The following PTPRN2 variants were observed in gnomAD, a reference collection of about 807,000 sequenced individuals.
PTPRN2 encodes receptor-type tyrosine-protein phosphatase N2.
Under a neutral mutation model 118.8 loss-of-function variants are expected in PTPRN2, and 74 were observed. The observed-to-expected ratio is 0.62, with a 90% CI of 0.52 to 0.76. The LOEUF (loss-of-function observed/expected upper bound fraction) is 0.76. Among genes scored for constraint, PTPRN2 ranks in the 30% least tolerant of loss-of-function variants. PTPRN2 has a pLI of 0.00. For missense variants in PTPRN2, 1,481 were observed against 1,394.4 expected (o/e 1.06, Z -0.99); for synonymous variants, 641 against 608.0 (o/e 1.05, Z -0.80).
intron 12 of PTPRN2, among the ~76,000 whole-genome samples, chr7:157,889,643 T>A (rs1796680727): frequency 6.6e-6 from 1 of 152,154 alleles, no homozygotes. Context: ...CATGCCCGTG[T>A]CTCCCCTTCA....
rs1352247137 is a variant in PTPRN2, at chr7:158,529,106, T to C, written c.113-39321A>G. Among the ~76,000 whole-genome samples the C allele has an allele frequency of 1.3e-5, 2 of 152,062 alleles. No homozygotes were observed. Among genetic ancestry groups the C allele is most frequent in the African/African-American group, 2.4e-5 (1 of 41,386 alleles). On this transcript the variant is annotated intron_variant, in intron 1 of 22. Transcript: ENST00000389418. This position sits in a 1 kb window ranked among gnomAD's most constrained non-coding sequence, Gnocchi z 4.7. ...AGTCACCCAAATGCCTCAATCCCCT[T>C]CTCAGACAGGCAGACAGACAATAAT...
chr7:157,702,544 A>G (rs1798130923), intron 12 of PTPRN2, among the ~76,000 whole-genome samples: 1 of 152,176 alleles, frequency 6.6e-6, no homozygotes, highest in East Asian at 1.9e-4. Context: ...TGCCCTCCAT[A>G]GGCTCCTGTC....
At chr7:157,765,701 C>T (rs781734177) in intron 12 of PTPRN2, among the ~76,000 whole-genome samples, 3 of 150,816 alleles carry the variant, frequency 2.0e-5, no homozygotes, top group Non-Finnish European at 3.0e-5. Flanking sequence ...CCCATCCACC[C>T]ATCCATCATC....
intron 2 of PTPRN2, among the ~76,000 whole-genome samples, chr7:158,392,259 G>A (rs1811988020): frequency 6.6e-6 from 1 of 152,146 alleles, no homozygotes; most frequent in African/African-American, 2.4e-5. Context: ...GCTGGGTCAG[G>A]GACCACCCCA....
intron 11 of PTPRN2, among the ~76,000 whole-genome samples, chr7:157,904,852 G>A (rs1437839851): frequency 1.3e-5 from 2 of 152,180 alleles, no homozygotes; most frequent in South Asian, 2.1e-4. Context: ...GGCAGCCTCC[G>A]CAGCACAGCC....
chr7:157,942,759 G>A (rs1800228610), intron 11 of PTPRN2, among the ~76,000 whole-genome samples: 1 of 152,154 alleles, frequency 6.6e-6, no homozygotes, highest in South Asian at 2.1e-4. Context: ...CTAGGAAGGA[G>A]GGCTTGGTTA....
intron 2 of PTPRN2, among the ~76,000 whole-genome samples, chr7:158,406,181 C>T (rs13308248): frequency 1.8e-4 from 19 of 103,496 alleles, no homozygotes; most frequent in East Asian, 3.3e-4. Flanking sequence ...CCATGAGACA[C>T]GTGGCCGCAC....
chr7:158,233,461 T>G (rs1301883872), intron 3 of PTPRN2, among the ~76,000 whole-genome samples: 3 of 152,152 alleles, frequency 2.0e-5, no homozygotes, highest in African/African-American at 7.2e-5. Context: ...TGTATCCAAA[T>G]AACTAATACT....
At chr7:158,405,348 G>A (rs949666300) in intron 2 of PTPRN2, among the ~76,000 whole-genome samples, 15 of 152,178 alleles carry the variant, frequency 9.9e-5, no homozygotes, top group African/African-American at 3.1e-4. Context: ...TGAAAGCTTC[G>A]ATGTTAGCTC....
intron 9 of PTPRN2, among the ~76,000 whole-genome samples, chr7:158,116,459 T>A (rs1456808773): frequency 1.3e-5 from 2 of 152,224 alleles, no homozygotes; most frequent in African/African-American, 4.8e-5. Flanking sequence ...TTCATCACAG[T>A]AGGAGCTACC....
At chr7:158,302,662 G>A (rs1211791565) in intron 3 of PTPRN2, among the ~76,000 whole-genome samples, 3 of 152,222 alleles carry the variant, frequency 2.0e-5, no homozygotes, top group Non-Finnish European at 4.4e-5. Context: ...AAGATGGCAC[G>A]ACTCACACGT....
intron 12 of PTPRN2, among the ~76,000 whole-genome samples, chr7:157,698,700 G>A (rs1797927671): frequency 2.0e-5 from 3 of 152,182 alleles, no homozygotes; most frequent in South Asian, 2.1e-4. Context: ...AGGTGAATCC[G>A]GTTTTCACTG....
chr7:158,369,370 CCTGA>C (rs371737286), intron 2 of PTPRN2, among the ~76,000 whole-genome samples: 24 of 151,496 alleles, frequency 1.6e-4, no homozygotes, highest in Middle Eastern at 3.4e-3. Context: ...TCTAGAGAAC[CCTGA>C]CTAATACACA....
chr7:158,341,558 C>T (rs376938614), intron 2 of PTPRN2, among the ~76,000 whole-genome samples: 9 of 122,172 alleles, frequency 7.4e-5, no homozygotes, highest in South Asian at 3.5e-4. Context: ...GCAGACGTCA[C>T]TCACACCCAC....
At chr7:157,730,190 C>CT (rs1046321434) in intron 12 of PTPRN2, among the ~76,000 whole-genome samples, 1 of 151,838 alleles carries the variant, frequency 6.6e-6, no homozygotes, top group East Asian at 1.9e-4. Flanking sequence ...CCACCCCTGC[C>CT]CCCCCCCGGG....
rs146992629 is a variant in PTPRN2, at chr7:157,993,067, C to T, written c.1723+88231G>A. ...GGTCACAGTCCCCTCCCACAGGCCA[C>T]GCTTCAGGAGGATCATCGCAGGTGG... On this transcript the variant is annotated intron_variant, in intron 11 of 22. Coordinates refer to ENST00000389418, the MANE Select transcript of PTPRN2 (RefSeq NM_002847.5). Among the ~76,000 whole-genome samples, 417 of 152,330 alleles carry T rather than the reference C, an allele frequency of 2.7e-3. 1 individual carries two copies. Among genetic ancestry groups the T allele is most frequent in the African/African-American group, 9.0e-3 (375 of 41,580 alleles).
chr7:158,184,130 T>C (rs1248833593), intron 5 of PTPRN2, among the ~76,000 whole-genome samples: 1 of 152,206 alleles, frequency 6.6e-6, no homozygotes, highest in Admixed American at 6.5e-5. Context: ...AAGAAAATTT[T>C]TAAATTTTGA....
At chr7:158,502,123 C>T (rs1273981589) in intron 1 of PTPRN2, among the ~76,000 whole-genome samples, 1 of 152,170 alleles carries the variant, frequency 6.6e-6, no homozygotes, top group East Asian at 1.9e-4. Flanking sequence ...AAATTGATCT[C>T]AGCAGCTTCA....
intron 11 of PTPRN2, among the ~76,000 whole-genome samples, chr7:158,011,493 C>T (rs999528245): frequency 2.2e-4 from 33 of 152,128 alleles, no homozygotes; most frequent in Admixed American, 2.6e-4. Context: ...ACCCCCAAAC[C>T]GTCAGACCAT....
Sources: allele counts gnomAD v4.1 joint callset (sites outside exome capture counted in the v4.1 genomes callset), GRCh38; gene constraint gnomAD v4.1.1; non-coding constraint Gnocchi (gnomAD v3.1); transcripts MANE v1.5; gene names NCBI Gene and HGNC (gene_info 2026-07-23, HGNC 2026-07-21).